Variants in GPATCH8 observed in about 807,000 individuals in gnomAD.
The protein encoded by GPATCH8 is G patch domain-containing protein 8.
Under a neutral mutation model 118.3 loss-of-function variants are expected in GPATCH8, and 18 were observed. That is an observed-to-expected ratio of 0.15 (90% CI 0.11 to 0.23). The LOEUF is 0.23. GPATCH8 is among the 10% of genes least tolerant of loss of function. The pLI, the probability that GPATCH8 is intolerant of heterozygous loss-of-function variation, is 1.00. For missense variants in GPATCH8, 1,631 were observed against 1,873.8 expected (o/e 0.87, Z 2.39); for synonymous variants, 659 against 684.7 (o/e 0.96, Z 0.59).
rs1180424480 is a variant in GPATCH8, at chr17:44,395,703, T to C, written c.*1865A>G. On this transcript the variant is annotated 3_prime_UTR_variant, in exon 8 of 8. Coordinates refer to ENST00000591680, the MANE Select transcript of GPATCH8 (RefSeq NM_001002909.4). ...GTGTTTGCCTGCCACTTTCTTTTCA[T>C]AAACTTTACTCTTTTGAGAATTTGC... 1 of 454,162 alleles carries C rather than the reference T, an allele frequency of 2.2e-6. No individual in the cohort carries two copies. The highest frequency in any genetic ancestry group is 4.4e-6 in the Non-Finnish European group (1 of 226,796). The allele number at this position is 454,162 out of a possible 1,614,324, so 28.1% of individuals were successfully genotyped here. A position where few individuals can be genotyped will look rare whatever the true frequency, so the allele number is the denominator to read the frequency against.
At chr17:44,483,176 AATATATATATATAT>A (rs1163758356) in intron 1 of GPATCH8, among the ~76,000 whole-genome samples, 278 of 12,882 alleles carry the variant, frequency 0.022, 11 homozygotes, top group Middle Eastern at 0.17. Context: ...AAAAAAAAAA[AATATATATATATAT>A]ATATATATAT....
intron 3 of GPATCH8, among the ~76,000 whole-genome samples, chr17:44,458,172 GC>G (rs2051408594): frequency 6.7e-6 from 1 of 150,140 alleles, no homozygotes; most frequent in Non-Finnish European, 1.5e-5. Flanking sequence ...GATCACTTGA[GC>G]CCAGGAGATC....
chr17:44,398,770 C>T lies in GPATCH8; in HGVS notation c.3307G>A (p.Glu1103Lys). The T allele has an allele frequency of 6.2e-7, 1 of 1,613,876 alleles. No homozygotes were observed. Among genetic ancestry groups the T allele is most frequent in the Non-Finnish European group, 8.5e-7 (1 of 1,179,810 alleles). ...LLEKIQSRKV[E>K]RKPSVSEEVQ... ...TCCTCACTCACACTAGGTTTCCTCT[C>T]CACTTTCCTTGACTGGATCTTCTCC... The change falls in exon 8 of 8, where the codon GAG becomes AAG. Residue 1103 changes from glutamate to lysine, a missense_variant. Glu to Lys is a moderately conservative substitution (Grantham distance 56, BLOSUM62 1). Coordinates refer to ENST00000591680, the MANE Select transcript of GPATCH8 (RefSeq NM_001002909.4).
intron 3 of GPATCH8, among the ~76,000 whole-genome samples, chr17:44,439,054 G>A (rs2050604993): frequency 2.0e-5 from 3 of 151,964 alleles, no homozygotes; most frequent in Admixed American, 1.3e-4. Flanking sequence ...GCCCAAGGTA[G>A]GACTTTTAAA....
At chr17:44,480,773 A>C (rs545871588) in intron 1 of GPATCH8, among the ~76,000 whole-genome samples, 1 of 152,004 alleles carries the variant, frequency 6.6e-6, no homozygotes, top group East Asian at 1.9e-4. Context: ...CAAGAGGCTG[A>C]GGCAGGAGAA....
At chr17:44,489,691 GA>G (rs1362587248) in intron 1 of GPATCH8, among the ~76,000 whole-genome samples, 2 of 151,676 alleles carry the variant, frequency 1.3e-5, no homozygotes, top group Middle Eastern at 3.4e-3. Context: ...GAGGAAGGAG[GA>G]AAAATGTGAT....
chr17:44,474,919 TAC>T lies in GPATCH8; in HGVS notation c.46-18_46-17del, dbSNP rs760033136. Reference sequence around the variant, plus strand: ...AGTGATTACCCTGAAAAAAGATGATTACAGTTATTTTTCAAAAGCAGTTAAGT... The same window carrying T: ...AGTGATTACCCTGAAAAAAGATGATTAGTTATTTTTCAAAAGCAGTTAAGT... On this transcript the variant is annotated splice_polypyrimidine_tract_variant and intron_variant, in intron 1 of 7. Coordinates refer to ENST00000591680, the MANE Select transcript of GPATCH8 (RefSeq NM_001002909.4). The T allele has an allele frequency of 3.9e-5, 52 of 1,323,566 alleles. No individual in the cohort carries two copies. Among genetic ancestry groups the T allele is most frequent in the Middle Eastern group, 1.8e-4 (1 of 5,488 alleles). 82.0% of individuals were successfully genotyped at this position (1,323,566 alleles called of 1,614,324 possible).
rs952912953 is a variant in GPATCH8, at chr17:44,424,276, G to A, written c.492+73C>T. The A allele has an allele frequency of 4.5e-5, 46 of 1,011,522 alleles. 1 individual carries two copies. The highest frequency in any genetic ancestry group is 7.1e-5 in the Non-Finnish European group (45 of 631,170). The allele number at this position is 1,011,522 out of a possible 1,614,324, so 62.7% of individuals were successfully genotyped here. A position where few individuals can be genotyped will look rare whatever the true frequency, so the allele number is the denominator to read the frequency against. Reference sequence around the variant, plus strand: ...AATCATAGACACCAAGTTTTGGGGGGTATACTCATAAAATCCAATTGTTGT... The same window carrying A: ...AATCATAGACACCAAGTTTTGGGGGATATACTCATAAAATCCAATTGTTGT... On this transcript the variant is annotated intron_variant, in intron 6 of 7. Coordinates refer to ENST00000591680, the MANE Select transcript of GPATCH8 (RefSeq NM_001002909.4).
intron 1 of GPATCH8, among the ~76,000 whole-genome samples, chr17:44,478,032 G>C (rs1216417109): frequency 6.6e-6 from 1 of 151,516 alleles, no homozygotes; most frequent in Non-Finnish European, 1.5e-5. Flanking sequence ...CACCATGTTG[G>C]CCAGGCTGAT....
intron 6 of GPATCH8, among the ~76,000 whole-genome samples, chr17:44,410,711 A>T (rs2049398113): frequency 6.6e-6 from 1 of 152,210 alleles, no homozygotes; most frequent in South Asian, 2.1e-4. Context: ...AAAAATCAAC[A>T]GCATTTTTCC....
chr17:44,434,507 C>G (rs1446011518), intron 5 of GPATCH8, among the ~76,000 whole-genome samples: 1 of 152,204 alleles, frequency 6.6e-6, no homozygotes, highest in African/African-American at 2.4e-5. Context: ...AGTTCAAGAC[C>G]AGCCTGGCCA....
chr17:44,427,212 A>G (rs2050121672), intron 5 of GPATCH8, among the ~76,000 whole-genome samples: 1 of 151,874 alleles, frequency 6.6e-6, no homozygotes, highest in Admixed American at 6.6e-5. Flanking sequence ...AGTTGCTAGG[A>G]CCACAGGGGC....
intron 6 of GPATCH8, among the ~76,000 whole-genome samples, chr17:44,419,909 C>G (rs549404245): frequency 6.6e-6 from 1 of 152,140 alleles, no homozygotes; most frequent in African/African-American, 2.4e-5. Flanking sequence ...ATATTTATAA[C>G]ATTCTGTTTT....
intron 1 of GPATCH8, among the ~76,000 whole-genome samples, chr17:44,491,577 G>C (rs1245330763): frequency 1.3e-5 from 2 of 152,046 alleles, no homozygotes; most frequent in African/African-American, 4.8e-5. Flanking sequence ...ATATTGGCTG[G>C]GCATGGTGGC....
intron 1 of GPATCH8, chr17:44,486,508 A>G (rs1157495514): frequency 6.6e-6 from 1 of 152,218 alleles, no homozygotes; most frequent in Non-Finnish European, 1.5e-5. Context: ...AATTTTTGTA[A>G]TAACTTTAAT....
At position 44,475,363 on chromosome 17, in the gene GPATCH8, G is replaced by A. The variant is rs566376274; in HGVS notation, c.46-460C>T. 5.1e-5 allele frequency among the ~76,000 whole-genome samples: 7 copies of A among 138,384 alleles called. No individual in the cohort carries two copies. The East Asian group carries it at 1.5e-3, about 30-fold the overall frequency. 90.8% of individuals were successfully genotyped at this position (138,384 alleles called of 152,430 possible). A position where few individuals can be genotyped will look rare whatever the true frequency, so the allele number is the denominator to read the frequency against. On this transcript the variant is annotated intron_variant, in intron 1 of 7. Coordinates refer to ENST00000591680, the MANE Select transcript of GPATCH8 (RefSeq NM_001002909.4). Reference sequence around the variant, plus strand: ...CCACCACACTCCAGCCTGGGCAACAGAACGAGACTCCATCTCAAAAAAGAA... The same window carrying A: ...CCACCACACTCCAGCCTGGGCAACAAAACGAGACTCCATCTCAAAAAAGAA...
rs1254740295 is a variant in GPATCH8 at position 44,399,679 on chromosome 17, C to T, written c.2398G>A (p.Gly800Ser). ...CTAGACCGGCTGCTCCGTTTGGTGC[C>T]TGCTCTTCGCTGGCAGGATGAAGGT... ...LPPSSCQRRA[G>S]TKRSSRSSHR... is the part of the protein sequence containing the mutation. The change falls in exon 8 of 8, where the codon GGC (glycine) becomes AGC (serine). Residue 800 changes from glycine (G) to serine (S), a missense_variant. Physicochemically the swap from Gly to Ser is moderately conservative, Grantham distance 56 (BLOSUM62 0). This residue lies in a region of GPATCH8 where 922 missense variants were observed against 879.7 expected (regional missense o/e 1.05). Transcript: ENST00000591680. 2 of 1,614,076 alleles carry T rather than the reference C, an allele frequency of 1.2e-6. No individual in the cohort carries two copies. The highest frequency in any genetic ancestry group is 1.7e-6 in the Non-Finnish European group (2 of 1,180,028).
intron 1 of GPATCH8, among the ~76,000 whole-genome samples, chr17:44,499,258 GGAGTTT>G: frequency 6.6e-6 from 1 of 152,166 alleles, no homozygotes; most frequent in Non-Finnish European, 1.5e-5. Flanking sequence ...CCTGAGGTCG[GGAGTTT>G]GAGACCAGCC....
rs572719339 is a variant in GPATCH8 at position 44,397,004 on chromosome 17, A to T, written c.*564T>A. 100 of 453,888 alleles carry T rather than the reference A, an allele frequency of 2.2e-4. No individual in the cohort carries two copies. The highest frequency in any genetic ancestry group is 4.4e-5 in the Non-Finnish European group (10 of 226,786). The allele number at this position is 453,888 out of a possible 1,614,324, so 28.1% of individuals were successfully genotyped here. A position where few individuals can be genotyped will look rare whatever the true frequency, so the allele number is the denominator to read the frequency against. On this transcript the variant is annotated 3_prime_UTR_variant, in exon 8 of 8. Coordinates refer to ENST00000591680, the MANE Select transcript of GPATCH8 (RefSeq NM_001002909.4). The stretch of plus-strand genomic sequence containing the variant: ...ACTGGATGGAATTGCAGCCTGAGTT[A>T]TATCAGGTTCCAGGTGAGACGCTTT...
Sources: gnomAD v4.1 joint callset for allele counts (sites outside exome capture counted in the v4.1 genomes callset) on GRCh38, gnomAD v4.1.1 for gene constraint, gnomAD v4.1.1 regional missense constraint, MANE v1.5 for transcripts, NCBI Gene and HGNC (gene_info 2026-07-23, HGNC 2026-07-21) for gene names.